CD99: variants seen among roughly 807,000 people sequenced by gnomAD.
CD99 encodes the protein CD99 molecule (Xg blood group).
CD99 carries 19 observed loss-of-function variants against 28.4 expected under a neutral mutation model. The observed-to-expected ratio is 0.67, with a 90% CI of 0.47 to 0.98. CD99 has a LOEUF of 0.98. CD99 is among the 50% of genes least tolerant of loss of function. The probability of loss-of-function intolerance (pLI) is 0.00; values close to 1 mark genes in which losing one functional copy is unlikely to be tolerated. For synonymous variants in CD99, 103 were observed against 92.1 expected, an observed-to-expected ratio of 1.12 and a Z score of -0.67; for missense variants, 283 against 248.8, an observed-to-expected ratio of 1.14 and a Z score of -0.92.
chrX:2,737,876 T>TTTTTTTA, intron 8 of CD99: 1 of 499,978 alleles, frequency 2.0e-6, no homozygotes, highest in Non-Finnish European at 3.7e-6. Flanking sequence ...TTTTTTTTTT[T>TTTTTTTA]ATAGAAAGAG....
chrX:2,703,628 G>T (rs1195090550), intron 1 of CD99, among the ~76,000 whole-genome samples: 1 of 149,150 alleles, frequency 6.7e-6, no homozygotes, highest in Non-Finnish European at 1.5e-5. Context: ...GTGTGTGTGT[G>T]TGTGTGTGTG....
At chrX:2,727,482 T>A (rs745778478) in intron 8 of CD99, 1 of 691,076 alleles carries the variant, frequency 1.4e-6, no homozygotes, top group Non-Finnish European at 2.7e-6. Context: ...GCTACTCTTA[T>A]TTTTTATTTC....
chrX:2,692,044 T>G, intron 1 of CD99: 1 of 642,206 alleles, frequency 1.6e-6, no homozygotes, highest in South Asian at 1.8e-5. Flanking sequence ...AAACGTGTGC[T>G]TACCAAATTG....
intron 9 of CD99, among the ~76,000 whole-genome samples, chrX:2,739,071 CA>C (rs1189028163): frequency 4.6e-5 from 7 of 151,932 alleles, no homozygotes; most frequent in Admixed American, 1.3e-4. Context: ...GTTGCCCAGA[CA>C]GGGTCTCACT....
intron 1 of CD99, among the ~76,000 whole-genome samples, chrX:2,693,509 C>G (rs1443639620): frequency 1.4e-4 from 21 of 152,168 alleles, no homozygotes; most frequent in Admixed American, 1.4e-3. Context: ...CAGAAACAGC[C>G]TGTCCCAATA....
chrX:2,719,511 C>A (rs2124071112), intron 3 of CD99, 150 bp from the exon 4 acceptor site: 2 of 703,022 alleles, frequency 2.8e-6, no homozygotes, highest in East Asian at 4.9e-5. Flanking sequence ...GTCAGGAATT[C>A]ACTTTTTCTA....
rs2050168822 is a variant in CD99 at position 2,741,119 on chromosome X, C to T, written c.*315C>T. ...CTCAAATGTCAACCCCACCGAGGCA[C>T]CCCCCCGTCCCCCAGAATCTTGGCT... On this transcript the variant is annotated 3_prime_UTR_variant, in exon 10 of 10. Transcript: ENST00000381192. 1 of 331,866 alleles carries T rather than the reference C, an allele frequency of 3.0e-6. No homozygotes were observed. Among genetic ancestry groups the T allele is most frequent in the Non-Finnish European group, 5.3e-6 (1 of 187,168 alleles). 20.6% of individuals were successfully genotyped at this position (331,866 alleles called of 1,614,324 possible). A position where few individuals can be genotyped will look rare whatever the true frequency, so the allele number is the denominator to read the frequency against.
intron 8 of CD99, among the ~76,000 whole-genome samples, chrX:2,736,603 A>C (rs2049952659): frequency 6.6e-6 from 1 of 151,996 alleles, no homozygotes; most frequent in Non-Finnish European, 1.5e-5. Flanking sequence ...CAGGCCTGTA[A>C]TCCCAGTACT....
At chrX:2,712,944 AAC>A (rs1407928526) in intron 1 of CD99, among the ~76,000 whole-genome samples, 5 of 152,154 alleles carry the variant, frequency 3.3e-5, no homozygotes, top group African/African-American at 9.6e-5. Flanking sequence ...CACACGTGGA[AAC>A]ACACCTGCAC....
chrX:2,740,685 A>C lies in CD99; in HGVS notation c.533-94A>C, dbSNP rs943985616. ...TTGGGCCCATTTTTCTTATGCAGAA[A>C]TAAAACCACTGGCTCCTGAAAGTTG... On this transcript the variant is annotated intron_variant, in intron 9 of 9. Transcript: ENST00000381192. The C allele has an allele frequency of 4.6e-5, 60 of 1,315,882 alleles. No individual in the cohort carries two copies. The African/African-American group carries it at 8.4e-4, about 18-fold the overall frequency. The allele number at this position is 1,315,882 out of a possible 1,614,324, so 81.5% of individuals were successfully genotyped here.
At chrX:2,698,380 G>C (rs112067593) in intron 1 of CD99, among the ~76,000 whole-genome samples, 2,052 of 152,088 alleles carry the variant, frequency 0.013, 50 homozygotes, top group African/African-American at 0.047. Context: ...CATTGCCCAG[G>C]CTGGTCTTGA....
At chrX:2,726,015 T>C (rs2049262853) in intron 7 of CD99, among the ~76,000 whole-genome samples, 1 of 152,210 alleles carries the variant, frequency 6.6e-6, no homozygotes, top group South Asian at 2.1e-4. Flanking sequence ...TCTTTTCTCC[T>C]GCTCCACTCC....
At chrX:2,694,150 C>T (rs1017182957) in intron 1 of CD99, among the ~76,000 whole-genome samples, 1 of 152,164 alleles carries the variant, frequency 6.6e-6, no homozygotes, top group Non-Finnish European at 1.5e-5. Flanking sequence ...TGCCCCACCC[C>T]CCGGGGCAAC....
intron 1 of CD99, among the ~76,000 whole-genome samples, chrX:2,706,182 A>AC (rs2048106458): frequency 6.6e-6 from 1 of 151,896 alleles, no homozygotes; most frequent in Non-Finnish European, 1.5e-5. Context: ...CCACGGTGAA[A>AC]CCCAGTCTCT....
chrX:2,726,578 T>A (rs1569445425), intron 8 of CD99: 2 of 675,564 alleles, frequency 3.0e-6, no homozygotes, highest in Non-Finnish European at 5.4e-6. Context: ...GTGTGAAAGT[T>A]TACAAGTTCC....
Position 2,723,574 on chromosome X carries a change from G to A in CD99, c.361+210G>A, listed in dbSNP as rs140490546. ...CCTGCTCCGGGTGCCCACGTGACGC[G>A]GATTTTATGTTTGGTCACCTGCCCA... On this transcript the variant is annotated intron_variant, in intron 7 of 9. Transcript: ENST00000381192. 2,334 of 631,932 alleles carry A rather than the reference G, an allele frequency of 3.7e-3. 45 individuals are homozygous for A. The highest frequency in any genetic ancestry group is 0.036 in the African/African-American group (1,976 of 54,524). The allele number at this position is 631,932 out of a possible 1,614,324, so 39.1% of individuals were successfully genotyped here. A position where few individuals can be genotyped will look rare whatever the true frequency, so the allele number is the denominator to read the frequency against.
At chrX:2,727,500 A>G (rs979214586) in intron 8 of CD99, among the ~76,000 whole-genome samples, 6 of 152,226 alleles carry the variant, frequency 3.9e-5, no homozygotes, top group African/African-American at 9.6e-5. Context: ...TTCTTGAGAC[A>G]GAGTTTCGCT....
chrX:2,719,626 G>T, intron 3 of CD99, 35 bp from the exon 4 acceptor site: 1 of 1,597,390 alleles, frequency 6.3e-7, no homozygotes, highest in Non-Finnish European at 8.6e-7. Flanking sequence ...TTTCTCTCTG[G>T]AATTTGGTAT....
chrX:2,710,486 A>T (rs768936777), intron 1 of CD99, among the ~76,000 whole-genome samples: 1 of 145,496 alleles, frequency 6.9e-6, no homozygotes, highest in Admixed American at 6.8e-5. Context: ...ACTTAAAATA[A>T]TATCTGTACT....
Sources: gnomAD v4.1 joint callset for allele counts (sites outside exome capture counted in the v4.1 genomes callset) on GRCh38, gnomAD v4.1.1 for gene constraint, MANE v1.5 for transcripts, NCBI Gene and HGNC (gene_info 2026-07-23, HGNC 2026-07-21) for gene names.